KLHL25: variants seen among roughly 807,000 people sequenced by gnomAD.
KLHL25 encodes the protein kelch like family member 25.
Under a neutral mutation model 30.0 loss-of-function variants are expected in KLHL25, and 41 were observed. The ratio of observed to expected loss-of-function variants is 1.37; its 90% CI spans 1.07 to 1.78. The LOEUF (loss-of-function observed/expected upper bound fraction) is 1.78. Among genes scored for constraint, KLHL25 ranks in the 40% most tolerant of loss-of-function variants. The pLI is 0.00. For synonymous variants in KLHL25, 399 were observed against 355.3 expected, an observed-to-expected ratio of 1.12 and a Z score of -1.38; for missense variants, 971 against 824.5, an observed-to-expected ratio of 1.18 and a Z score of -2.18.
chr15:85,767,646 AC>A (rs1490916037), intron 2 of KLHL25, among the ~76,000 whole-genome samples: 1 of 152,174 alleles, frequency 6.6e-6, no homozygotes, highest in Non-Finnish European at 1.5e-5. Context: ...CCTTTGTTGC[AC>A]CTGGTGTCAA....
intron 1 of KLHL25, among the ~76,000 whole-genome samples, chr15:85,780,768 A>G (rs1398691903): frequency 6.6e-6 from 1 of 152,238 alleles, no homozygotes; most frequent in Non-Finnish European, 1.5e-5. Context: ...GACAGAGATG[A>G]GAGCAAGGGG....
intron 1 of KLHL25, among the ~76,000 whole-genome samples, chr15:85,771,317 AAAACAAAAAACCCT>A (rs1237115900): frequency 6.6e-6 from 1 of 152,238 alleles, no homozygotes; most frequent in Non-Finnish European, 1.5e-5. Context: ...GGGGCCAAGA[AAAACAAAAAACCCT>A]AAACAACAAA....
intron 2 of KLHL25, chr15:85,762,892 T>G (rs1426640871): frequency 1.3e-5 from 2 of 152,214 alleles, no homozygotes; most frequent in Non-Finnish European, 2.9e-5. Context: ...GAGCCCACAG[T>G]GGATTAATGA....
At chr15:85,764,669 G>A (rs924160090) in intron 2 of KLHL25, among the ~76,000 whole-genome samples, 4 of 152,320 alleles carry the variant, frequency 2.6e-5, no homozygotes, top group Non-Finnish European at 5.9e-5. Flanking sequence ...GCAGTCATGG[G>A]TGGACAGGCC....
At chr15:85,770,641 A>G (rs2089665174) in intron 1 of KLHL25, 1 of 492,566 alleles carries the variant, frequency 2.0e-6, no homozygotes, top group African/African-American at 1.9e-5. Context: ...CAGAGGCCCA[A>G]GATGACAGCA....
At chr15:85,790,060 G>A (rs983140647) in intron 1 of KLHL25, among the ~76,000 whole-genome samples, 1 of 152,206 alleles carries the variant, frequency 6.6e-6, no homozygotes, top group Non-Finnish European at 1.5e-5. Flanking sequence ...ATCCAAGGCA[G>A]AGCTGGAACT....
Position 85,789,238 on chromosome 15 carries a change from G to C in KLHL25, c.-11+5528C>G, listed in dbSNP as rs1044415813. Among the ~76,000 whole-genome samples, 1 of 152,230 alleles carries C rather than the reference G, an allele frequency of 6.6e-6. No individual in the cohort carries two copies. The highest frequency in any genetic ancestry group is 2.4e-5 in the African/African-American group (1 of 41,464). ...GAGATGGGTGGGGAGTGACACCTAA[G>C]GTGAATGTGGCCCTTGAGCTGGTGG... is the stretch of plus-strand genomic sequence containing the variant. On this transcript the variant is annotated intron_variant, in intron 1 of 2. Transcript: ENST00000337975. This position sits in a 1 kb window ranked among gnomAD's most constrained non-coding sequence, Gnocchi z 4.1.
intron 1 of KLHL25, among the ~76,000 whole-genome samples, chr15:85,773,804 C>G (rs1194289796): frequency 5.9e-5 from 9 of 152,092 alleles, no homozygotes; most frequent in African/African-American, 2.2e-4. Flanking sequence ...AAGATGGAAG[C>G]CTGCGCAGAG....
At chr15:85,794,403 T>A (rs2089837860) in intron 1 of KLHL25, among the ~76,000 whole-genome samples, 1 of 152,194 alleles carries the variant, frequency 6.6e-6, no homozygotes, top group African/African-American at 2.4e-5. Context: ...CAGTCTCTCT[T>A]TCCAGGATCA....
At chr15:85,765,184 C>A (rs558985675) in intron 2 of KLHL25, among the ~76,000 whole-genome samples, 1 of 152,320 alleles carries the variant, frequency 6.6e-6, no homozygotes, top group East Asian at 1.9e-4. Flanking sequence ...GCCTCCATTT[C>A]CCACAGGTGA....
At position 85,769,734 on chromosome 15, in the gene KLHL25, G is replaced by A; in HGVS notation, c.77C>T (p.Ala26Val). Reference sequence around the variant, plus strand: ...GGCCAGCACACAGTCCGGGTGGGAGGCCTTGTGGAAGAGGGTGACGTTCAT... The same window carrying A: ...GGCCAGCACACAGTCCGGGTGGGAGACCTTGTGGAAGAGGGTGACGTTCAT... ...GSMNVTLFHKASHPDCVLAHL... is the reference protein window; with the variant it reads ...GSMNVTLFHKVSHPDCVLAHL... Residue 26 changes from alanine (A) to valine (V), a missense_variant, in exon 2 of 3, where the codon GCC becomes GTC. Transcript: ENST00000337975. The A allele has an allele frequency of 6.2e-7, 1 of 1,613,796 alleles. No homozygotes were observed. The highest frequency in any genetic ancestry group is 8.5e-7 in the Non-Finnish European group (1 of 1,180,036).
At chr15:85,780,352 G>A (rs904986488) in intron 1 of KLHL25, among the ~76,000 whole-genome samples, 1 of 152,202 alleles carries the variant, frequency 6.6e-6, no homozygotes, top group Non-Finnish European at 1.5e-5. Flanking sequence ...AACAAAGAGG[G>A]GCAGCGAGAT....
chr15:85,768,636 A>T lies in KLHL25; in HGVS notation c.1175T>A (p.Val392Glu). ...GSAELENCLYVVGGHTSLAGV... is the reference protein window; with the variant it reads ...GSAELENCLYEVGGHTSLAGV... ...TGCCAGGGATGTGTGTCCCCCCACC[A>T]CATAGAGGCAGTTCTCCAGCTCAGC... The change falls in exon 2 of 3, where the codon GTG becomes GAG. Residue 392 changes from valine to glutamate, a missense_variant. Physicochemically the swap from Val to Glu is moderately radical, Grantham distance 121. Coordinates refer to ENST00000337975, the MANE Select transcript of KLHL25 (RefSeq NM_022480.4). 1 of 1,612,844 alleles carries T rather than the reference A, an allele frequency of 6.2e-7. No individual in the cohort carries two copies. Among genetic ancestry groups the T allele is most frequent in the Non-Finnish European group, 8.5e-7 (1 of 1,179,252 alleles).
intron 1 of KLHL25, among the ~76,000 whole-genome samples, chr15:85,781,373 T>C (rs570754825): frequency 1.3e-5 from 2 of 152,342 alleles, no homozygotes; most frequent in African/African-American, 4.8e-5. Context: ...AAAGGGCAAA[T>C]AATGTTTTAG....
In KLHL25 at chr15:85,768,215, A is replaced by G; in HGVS notation, c.1596T>C (p.His532=). Residue 532 remains histidine, a synonymous_variant, in exon 2 of 3, where the codon CAT becomes CAC. Transcript: ENST00000337975. ...GDMTAKRMSC[H]ALASGNKLYV... ...AGAGCTTGTTGCCGGAAGCCAGGGC[A>G]TGGCAGGACATGCGCTTGGCAGTCA... 2 of 1,614,210 alleles carry G rather than the reference A, an allele frequency of 1.2e-6. No homozygotes were observed. Among genetic ancestry groups the G allele is most frequent in the Non-Finnish European group, 1.7e-6 (2 of 1,180,040 alleles).
intron 1 of KLHL25, among the ~76,000 whole-genome samples, chr15:85,782,113 G>A (rs1049927423): frequency 1.1e-4 from 16 of 151,898 alleles, no homozygotes; most frequent in African/African-American, 2.9e-4. Context: ...TACAGGGGCC[G>A]TGAGTAGACT....
intron 1 of KLHL25, among the ~76,000 whole-genome samples, chr15:85,771,341 A>C (rs1194577633): frequency 1.3e-5 from 2 of 152,128 alleles, no homozygotes; most frequent in Non-Finnish European, 2.9e-5. Context: ...TAAACAACAA[A>C]GTTTTTCATT....
rs367623885 is a variant in KLHL25, at chr15:85,769,830, G to T, written c.-10-10C>A. 8 of 1,590,070 alleles carry T rather than the reference G, an allele frequency of 5.0e-6. No individual in the cohort carries two copies. In the African/African-American group the frequency reaches 6.7e-5, roughly 13 times the overall value. ...CGACATGGTGCGTCAGCTTGTGGGG[G>T]AACAAGCCCACAGGTTAGAGGAGCC... On this transcript the variant is annotated splice_polypyrimidine_tract_variant and intron_variant, in intron 1 of 2. Coordinates refer to ENST00000337975, the MANE Select transcript of KLHL25 (RefSeq NM_022480.4).
rs755153302 is a variant in KLHL25 at position 85,768,671 on chromosome 15, G to A, written c.1140C>T (p.Gly380=). ...AGTTCTCCAGCTCAGCTGAGCCATG[G>A]CCAAAGCGGGCAATCAGCATGGGCG... The part of the protein sequence containing the change: ...KAAPMLIARF[G]HGSAELENCL... Residue 380 remains glycine (G), a synonymous_variant, in exon 2 of 3, where the codon GGC becomes GGT. Transcript: ENST00000337975. 13 of 1,613,260 alleles carry A rather than the reference G, an allele frequency of 8.1e-6. No individual in the cohort carries two copies. In the South Asian group the frequency reaches 1.2e-4, roughly 15 times the overall value.
Sources: allele counts gnomAD v4.1 joint callset (sites outside exome capture counted in the v4.1 genomes callset), GRCh38; gene constraint gnomAD v4.1.1; non-coding constraint Gnocchi (gnomAD v3.1); transcripts MANE v1.5; gene names NCBI Gene and HGNC (gene_info 2026-07-23, HGNC 2026-07-21).